Variants in TRPC7 observed in about 807,000 individuals in gnomAD.
TRPC7 encodes the protein transient receptor potential cation channel subfamily C member 7, also known as short transient receptor potential channel 7.
In TRPC7, 42 loss-of-function variants were observed where a neutral mutation model predicts 90.1. That is an observed-to-expected ratio of 0.47 (90% CI 0.36 to 0.60). TRPC7 has a LOEUF of 0.60. Among genes scored for constraint, TRPC7 ranks in the 20% least tolerant of loss-of-function variants. The pLI is 0.00. For synonymous variants in TRPC7, 451 were observed against 436.3 expected, an observed-to-expected ratio of 1.03 and a Z score of -0.42; for missense variants, 955 against 1,112.3, an observed-to-expected ratio of 0.86 and a Z score of 2.01.
intron 5 of TRPC7, among the ~76,000 whole-genome samples, chr5:136,257,602 A>T (rs558040955): frequency 3.3e-5 from 5 of 152,184 alleles, no homozygotes; most frequent in East Asian, 3.9e-4. Flanking sequence ...AGGAAATATT[A>T]AAAAAAATTG....
intron 8 of TRPC7, 110 bp from the exon 9 acceptor site, chr5:136,226,365 G>A: frequency 1.3e-6 from 1 of 761,922 alleles, no homozygotes; most frequent in East Asian, 2.7e-5. Context: ...AGACTTCTAA[G>A]CAGGACTTGG....
intron 2 of TRPC7, among the ~76,000 whole-genome samples, chr5:136,318,331 G>C (rs1427682039): frequency 1.3e-5 from 2 of 152,092 alleles, no homozygotes; most frequent in Non-Finnish European, 2.9e-5. Flanking sequence ...AGATCTAATG[G>C]GTGACAGGTG....
intron 4 of TRPC7, among the ~76,000 whole-genome samples, chr5:136,272,211 A>G (rs796732512): frequency 2.0e-5 from 3 of 152,338 alleles, no homozygotes; most frequent in African/African-American, 7.2e-5. Context: ...TCCTAGAATT[A>G]CAGATATAGA....
chr5:136,324,954 TG>T (rs1759301066), intron 2 of TRPC7, among the ~76,000 whole-genome samples: 1 of 152,260 alleles, frequency 6.6e-6, no homozygotes, highest in South Asian at 2.1e-4. Context: ...GCTGCAGTTA[TG>T]GGGAAAGAAT....
intron 2 of TRPC7, among the ~76,000 whole-genome samples, chr5:136,341,863 C>T (rs1176837731): frequency 1.3e-5 from 2 of 152,106 alleles, no homozygotes; most frequent in African/African-American, 2.4e-5. Flanking sequence ...GGTTCCTGTC[C>T]ATATTGTGGC....
At chr5:136,364,085 T>C (rs1270023560) in intron 1 of TRPC7, among the ~76,000 whole-genome samples, 1 of 152,184 alleles carries the variant, frequency 6.6e-6, no homozygotes, top group Non-Finnish European at 1.5e-5. Context: ...ATGACAATAC[T>C]GAAAAAAAGT....
chr5:136,278,320 T>A (rs1757431065), intron 3 of TRPC7, among the ~76,000 whole-genome samples: 1 of 152,242 alleles, frequency 6.6e-6, no homozygotes, highest in Non-Finnish European at 1.5e-5. Context: ...GTAAATGGCA[T>A]GGCCAGAGTT....
intron 2 of TRPC7, among the ~76,000 whole-genome samples, chr5:136,316,971 T>A (rs1759044082): frequency 6.6e-6 from 1 of 152,210 alleles, no homozygotes; most frequent in Non-Finnish European, 1.5e-5. Flanking sequence ...GCTCAGCCAT[T>A]TTTCTGAGTT....
intron 9 of TRPC7, 55 bp downstream of exon 9, chr5:136,225,979 C>T (rs1246907570): frequency 1.4e-6 from 2 of 1,469,400 alleles, no homozygotes; most frequent in Non-Finnish European, 1.9e-6. Context: ...ACACTCTAGA[C>T]TCGCCTGCCC....
chr5:136,298,984 C>T (rs1758277504), intron 3 of TRPC7, among the ~76,000 whole-genome samples: 1 of 151,902 alleles, frequency 6.6e-6, no homozygotes, highest in Non-Finnish European at 1.5e-5. Flanking sequence ...TAACTGTGGG[C>T]ATGACATGAT....
chr5:136,248,159 G>A (rs1756405357), intron 6 of TRPC7, among the ~76,000 whole-genome samples: 1 of 152,212 alleles, frequency 6.6e-6, no homozygotes, highest in Non-Finnish European at 1.5e-5. Context: ...CTCAGGAGCT[G>A]TCCCACTCAC....
At chr5:136,354,085 T>G (rs963740246) in intron 2 of TRPC7, among the ~76,000 whole-genome samples, 9 of 152,222 alleles carry the variant, frequency 5.9e-5, no homozygotes, top group African/African-American at 2.2e-4. Context: ...AATATTTTTT[T>G]GCTTGAATTT....
intron 4 of TRPC7, among the ~76,000 whole-genome samples, chr5:136,267,834 T>A (rs531399718): frequency 6.6e-6 from 1 of 152,342 alleles, no homozygotes; most frequent in South Asian, 2.1e-4. Context: ...TATTGTCATA[T>A]GACACTAGGA....
Position 136,213,615 on chromosome 5 carries a change from AGAG to A in TRPC7, c.2420-14_2420-12del, listed in dbSNP as rs1284283010. 6.2e-6 allele frequency: 10 copies of A among 1,613,572 alleles called. No individual in the cohort carries two copies. The highest frequency in any genetic ancestry group is 8.5e-6 in the Non-Finnish European group (10 of 1,179,760). ...TTTCCTTCAGCTCGCCTGCAAGGAC[AGAG>A]GAGATTTTGCTGAGTCTGAGTAGGT... On this transcript the variant is annotated splice_polypyrimidine_tract_variant and intron_variant, in intron 11 of 11. Coordinates refer to ENST00000513104, the MANE Select transcript of TRPC7 (RefSeq NM_020389.3).
intron 2 of TRPC7, among the ~76,000 whole-genome samples, chr5:136,336,052 G>A (rs747858121): frequency 4.2e-4 from 64 of 151,574 alleles, no homozygotes; most frequent in Non-Finnish European, 7.9e-4. Flanking sequence ...CACTGAGCCC[G>A]GTCACACCTC....
At chr5:136,278,773 C>T (rs1757452748) in intron 3 of TRPC7, among the ~76,000 whole-genome samples, 1 of 152,166 alleles carries the variant, frequency 6.6e-6, no homozygotes, top group South Asian at 2.1e-4. Context: ...ACCCCACTCA[C>T]CTTTTTGCAG....
At chr5:136,241,625 G>A (rs1756168309) in intron 7 of TRPC7, among the ~76,000 whole-genome samples, 2 of 151,600 alleles carry the variant, frequency 1.3e-5, no homozygotes, top group Non-Finnish European at 2.9e-5. Context: ...ACACAATCTC[G>A]GCTTACTGCA....
intron 1 of TRPC7, among the ~76,000 whole-genome samples, chr5:136,360,844 T>G (rs1760547373): frequency 6.6e-6 from 1 of 152,216 alleles, no homozygotes; most frequent in Admixed American, 6.5e-5. Context: ...TTAACCTCAC[T>G]GTGGCCTTTT....
At chr5:136,335,829 G>A (rs1169047940) in intron 2 of TRPC7, among the ~76,000 whole-genome samples, 1 of 145,720 alleles carries the variant, frequency 6.9e-6, no homozygotes, top group African/African-American at 2.5e-5. Flanking sequence ...GCGTGAACCC[G>A]GGAGGCGGAG....
Sources: gnomAD v4.1 joint callset for allele counts (sites outside exome capture counted in the v4.1 genomes callset) on GRCh38, gnomAD v4.1.1 for gene constraint, MANE v1.5 for transcripts, NCBI Gene and HGNC (gene_info 2026-07-23, HGNC 2026-07-21) for gene names.